Variants in KCTD16 observed in about 807,000 individuals in gnomAD.
The protein encoded by KCTD16 is BTB/POZ domain-containing protein KCTD16.
In KCTD16, 13 loss-of-function variants were observed where a neutral mutation model predicts 33.2. The observed-to-expected ratio is 0.39, with a 90% CI of 0.25 to 0.62. The LOEUF (loss-of-function observed/expected upper bound fraction) is 0.62. KCTD16 is among the 20% of genes least tolerant of loss of function. The pLI, the probability that KCTD16 is intolerant of heterozygous loss-of-function variation, is 0.50. For synonymous variants in KCTD16, 197 were observed against 195.3 expected (o/e 1.01, Z -0.07); for missense variants, 441 against 525.1 (o/e 0.84, Z 1.57).
intron 3 of KCTD16, among the ~76,000 whole-genome samples, chr5:144,275,251 C>A (rs1236574162): frequency 6.6e-6 from 1 of 152,138 alleles, no homozygotes; most frequent in African/African-American, 2.4e-5. Context: ...TCTGGACAAC[C>A]ACACACCTAC....
chr5:144,206,726 T>A lies in KCTD16; in HGVS notation c.12T>A (p.Ser4Arg). 1 of 1,612,294 alleles carries A rather than the reference T, an allele frequency of 6.2e-7. No homozygotes were observed. Among genetic ancestry groups the A allele is most frequent in the South Asian group, 1.1e-5 (1 of 90,886 alleles). Residue 4 changes from serine (S) to arginine (R), a missense_variant, in exon 3 of 4, where the codon AGT (serine) becomes AGA (arginine). Ser to Arg is a moderately radical substitution (Grantham distance 110, BLOSUM62 -1). Transcript: ENST00000512467. MALSGNCSRYYPRE... is the reference protein window; with the variant it reads MALRGNCSRYYPRE... ...AGAAGAAAGGGACAATGGCTCTGAG[T>A]GGAAACTGTAGTCGTTATTATCCTC... is the stretch of plus-strand genomic sequence containing the variant.
At chr5:144,177,788 A>G (rs1752537940) in intron 2 of KCTD16, among the ~76,000 whole-genome samples, 1 of 152,170 alleles carries the variant, frequency 6.6e-6, no homozygotes, top group South Asian at 2.1e-4. Context: ...GGGAGTAAGG[A>G]CTTCAATATG....
intron 3 of KCTD16, among the ~76,000 whole-genome samples, chr5:144,349,757 C>G (rs1752899420): frequency 6.6e-6 from 1 of 152,168 alleles, no homozygotes; most frequent in African/African-American, 2.4e-5. Flanking sequence ...TTCCATGCTG[C>G]CATCCCCACT....
At chr5:144,411,207 A>C (rs2126953878) in intron 3 of KCTD16, among the ~76,000 whole-genome samples, 1 of 152,334 alleles carries the variant, frequency 6.6e-6, no homozygotes, top group South Asian at 2.1e-4. Context: ...ATGGAACCAC[A>C]AAAGTCCTTG....
At chr5:144,455,414 G>A (rs533598142) in intron 3 of KCTD16, among the ~76,000 whole-genome samples, 15 of 152,232 alleles carry the variant, frequency 9.9e-5, no homozygotes, top group Middle Eastern at 3.4e-3. Context: ...AGATAACAAA[G>A]CATTTTCTTG....
intron 3 of KCTD16, among the ~76,000 whole-genome samples, chr5:144,357,294 T>C (rs1016036185): frequency 6.6e-6 from 1 of 152,196 alleles, no homozygotes; most frequent in African/African-American, 2.4e-5. Flanking sequence ...CAGCCACTGC[T>C]TCCTAGTAGG....
intron 3 of KCTD16, among the ~76,000 whole-genome samples, chr5:144,356,011 A>G (rs139989618): frequency 6.6e-6 from 1 of 152,326 alleles, no homozygotes; most frequent in African/African-American, 2.4e-5. Flanking sequence ...CTTGTAGAAC[A>G]CAATTAAGCT....
intron 3 of KCTD16, among the ~76,000 whole-genome samples, chr5:144,253,228 A>T (rs2126832965): frequency 6.6e-6 from 1 of 152,190 alleles, no homozygotes; most frequent in African/African-American, 2.4e-5. Flanking sequence ...TGAATTACAT[A>T]TTTATATAGT....
chr5:144,411,264 A>G (rs1244732286), intron 3 of KCTD16, among the ~76,000 whole-genome samples: 4 of 152,212 alleles, frequency 2.6e-5, no homozygotes, highest in Non-Finnish European at 5.9e-5. Flanking sequence ...TGGAGGCATC[A>G]CACTATGTGA....
intron 3 of KCTD16, among the ~76,000 whole-genome samples, chr5:144,426,605 G>A (rs1753336124): frequency 6.6e-6 from 1 of 151,992 alleles, no homozygotes; most frequent in Non-Finnish European, 1.5e-5. Context: ...CTGTAACACA[G>A]TATTACAGAC....
At chr5:144,323,118 A>G (rs1422713) in intron 3 of KCTD16, among the ~76,000 whole-genome samples, 50,687 of 152,018 alleles carry the variant, frequency 0.33, 9,120 homozygotes, top group African/African-American at 0.47. Flanking sequence ...AGAACTGCAA[A>G]TGCAAACTAA....
chr5:144,215,672 G>A (rs1333937772), intron 3 of KCTD16, among the ~76,000 whole-genome samples: 1 of 152,206 alleles, frequency 6.6e-6, no homozygotes. Context: ...TAAATGGGTT[G>A]ATATATAGAA....
intron 3 of KCTD16, among the ~76,000 whole-genome samples, chr5:144,316,576 TCTCTCC>T (rs1751921667): frequency 1.3e-5 from 2 of 148,192 alleles, no homozygotes; most frequent in African/African-American, 5.0e-5. Flanking sequence ...AGTGGCGCGA[TCTCTCC>T]ACTCACTGCA....
chr5:144,415,936 G>A (rs1029037854), intron 3 of KCTD16, among the ~76,000 whole-genome samples: 4 of 152,042 alleles, frequency 2.6e-5, no homozygotes, highest in Non-Finnish European at 5.9e-5. Context: ...GGGTGCTGAG[G>A]GAAAAGAAAT....
intron 3 of KCTD16, among the ~76,000 whole-genome samples, chr5:144,322,020 T>C (rs1752084780): frequency 6.6e-6 from 1 of 152,134 alleles, no homozygotes; most frequent in South Asian, 2.1e-4. Context: ...AATAAAGTAT[T>C]TGCTAATACA....
chr5:144,219,502 C>A (rs922350360), intron 3 of KCTD16, among the ~76,000 whole-genome samples: 1 of 138,802 alleles, frequency 7.2e-6, no homozygotes, highest in Admixed American at 7.4e-5. Flanking sequence ...GCATGAGCCA[C>A]TGTGCTGGGC....
chr5:144,357,758 A>G (rs1489297258), intron 3 of KCTD16, among the ~76,000 whole-genome samples: 1 of 152,198 alleles, frequency 6.6e-6, no homozygotes, highest in East Asian at 1.9e-4. Flanking sequence ...TAACTTTTCA[A>G]GTATGCACAA....
At chr5:144,381,982 C>T (rs1438285373) in intron 3 of KCTD16, among the ~76,000 whole-genome samples, 1 of 151,030 alleles carries the variant, frequency 6.6e-6, no homozygotes, top group Non-Finnish European at 1.5e-5. Context: ...ACCTAGGTTC[C>T]CATCAACAGT....
Position 144,377,184 on chromosome 5 carries a change from G to A in KCTD16, c.833-96476G>A, listed in dbSNP as rs73303946. 2.8e-3 allele frequency among the ~76,000 whole-genome samples: 422 copies of A among 152,248 alleles called. 1 individual carries two copies. The highest frequency in any genetic ancestry group is 9.8e-3 in the African/African-American group (408 of 41,558). Reference sequence around the variant, plus strand: ...GTTCAAGGAGAAACATCCCCTATTGGACTGTCTCTCTTTTTACTTTCTCTT... The same window carrying A: ...GTTCAAGGAGAAACATCCCCTATTGAACTGTCTCTCTTTTTACTTTCTCTT... On this transcript the variant is annotated intron_variant, in intron 3 of 3. Coordinates refer to ENST00000512467, the MANE Select transcript of KCTD16 (RefSeq NM_020768.4).
Sources: allele counts gnomAD v4.1 joint callset (sites outside exome capture counted in the v4.1 genomes callset), GRCh38; gene constraint gnomAD v4.1.1; transcripts MANE v1.5; gene names NCBI Gene and HGNC (gene_info 2026-07-23, HGNC 2026-07-21).